TGFBR3: variants seen among roughly 807,000 people sequenced by gnomAD.
The protein encoded by TGFBR3 is transforming growth factor beta receptor 3, also known as transforming growth factor beta receptor type 3.
In TGFBR3, 46 loss-of-function variants were observed where a neutral mutation model predicts 87.9. That is an observed-to-expected ratio of 0.52 (90% CI 0.41 to 0.67). TGFBR3 has a LOEUF of 0.67. TGFBR3 is among the 30% of genes least tolerant of loss of function. The probability of loss-of-function intolerance (pLI) is 0.00; values close to 1 mark genes in which losing one functional copy is unlikely to be tolerated. For synonymous variants in TGFBR3, 381 were observed against 391.6 expected, an observed-to-expected ratio of 0.97 and a Z score of 0.32; for missense variants, 866 against 1,041.9, an observed-to-expected ratio of 0.83 and a Z score of 2.32.
intron 3 of TGFBR3, among the ~76,000 whole-genome samples, chr1:91,774,743 C>T (rs1034791017): frequency 1.3e-5 from 2 of 152,122 alleles, no homozygotes; most frequent in Admixed American, 1.3e-4. Flanking sequence ...TAAATATGCA[C>T]TGTTGAGTAC....
At chr1:91,730,642 T>C (rs961070241) in intron 5 of TGFBR3, among the ~76,000 whole-genome samples, 12 of 152,240 alleles carry the variant, frequency 7.9e-5, no homozygotes, top group African/African-American at 2.9e-4. Context: ...CACTCCTCCT[T>C]GGATATTTGT....
At chr1:91,840,607 T>C (rs895212186) in intron 2 of TGFBR3, among the ~76,000 whole-genome samples, 1 of 152,130 alleles carries the variant, frequency 6.6e-6, no homozygotes, top group African/African-American at 2.4e-5. Flanking sequence ...AAATAAGACA[T>C]ATTTCATTAT....
chr1:91,748,681 G>C (rs1229447746), intron 4 of TGFBR3, among the ~76,000 whole-genome samples: 1 of 152,024 alleles, frequency 6.6e-6, no homozygotes, highest in Non-Finnish European at 1.5e-5. Context: ...AGTCAGCAGT[G>C]TGACTGTTCC....
intron 3 of TGFBR3, among the ~76,000 whole-genome samples, chr1:91,778,245 T>C (rs977254782): frequency 2.0e-5 from 3 of 152,070 alleles, no homozygotes; most frequent in African/African-American, 7.2e-5. Context: ...ATTCACTGAA[T>C]GCTGAGGGTT....
At chr1:91,805,914 G>A (rs1287382044) in intron 2 of TGFBR3, among the ~76,000 whole-genome samples, 1 of 152,208 alleles carries the variant, frequency 6.6e-6, no homozygotes, top group Admixed American at 6.5e-5. Context: ...GGGTCTCTGA[G>A]ACTCCAGCTC....
intron 15 of TGFBR3, 21 bp from the exon 16 acceptor site, chr1:91,695,800 T>C (rs201940087): frequency 1.1e-5 from 18 of 1,602,404 alleles, no homozygotes; most frequent in Non-Finnish European, 1.1e-5. Flanking sequence ...GAGAAACCGA[T>C]ACACACAACT....
At chr1:91,735,185 G>C (rs1168728347) in intron 4 of TGFBR3, among the ~76,000 whole-genome samples, 1 of 152,220 alleles carries the variant, frequency 6.6e-6, no homozygotes, top group East Asian at 1.9e-4. Flanking sequence ...AACTCTGAAA[G>C]AACCTTGTGA....
chr1:91,680,775 G>A lies in TGFBR3; in HGVS notation c.*2964C>T, dbSNP rs1257253070. 2.0e-5 allele frequency: 9 copies of A among 453,962 alleles called. No homozygotes were observed. The highest frequency in any genetic ancestry group is 4.0e-5 in the Non-Finnish European group (9 of 226,778). The allele number at this position is 453,962 out of a possible 1,614,324, so 28.1% of individuals were successfully genotyped here. ...AGTACAAAAAGACTGGCACGCGTGT[G>A]AGCACCCCACACACACTCACAATCA... On this transcript the variant is annotated 3_prime_UTR_variant, in exon 17 of 17. Coordinates refer to ENST00000212355, the MANE Select transcript of TGFBR3 (RefSeq NM_003243.5).
At chr1:91,702,701 A>G (rs1168993668) in intron 14 of TGFBR3, among the ~76,000 whole-genome samples, 1 of 152,094 alleles carries the variant, frequency 6.6e-6, no homozygotes, top group Non-Finnish European at 1.5e-5. Context: ...GTTGAGACTT[A>G]TTCTATTTTT....
rs376434814 is a variant in TGFBR3, at chr1:91,680,768, C to T, written c.*2971G>A. ...TAGTTACAGTACAAAAAGACTGGCA[C>T]GCGTGTGAGCACCCCACACACACTC... On this transcript the variant is annotated 3_prime_UTR_variant, in exon 17 of 17. Coordinates refer to ENST00000212355, the MANE Select transcript of TGFBR3 (RefSeq NM_003243.5). 124 of 453,996 alleles carry T rather than the reference C, an allele frequency of 2.7e-4. No homozygotes were observed. Among genetic ancestry groups the T allele is most frequent in the East Asian group, 7.6e-4 (11 of 14,396 alleles). 28.1% of individuals were successfully genotyped at this position (453,996 alleles called of 1,614,324 possible).
In TGFBR3 at chr1:91,727,549, A is replaced by G; in HGVS notation, c.885+110T>C. The stretch of plus-strand genomic sequence containing the variant: ...TTGCAAAGTGAAAAATAATTGACAG[A>G]GCTTAGAGAGTCCAAAGAGGCAGGA... On this transcript the variant is annotated intron_variant, in intron 7 of 16. Coordinates refer to ENST00000212355, the MANE Select transcript of TGFBR3 (RefSeq NM_003243.5). 9 of 1,384,418 alleles carry G rather than the reference A, an allele frequency of 6.5e-6. No individual in the cohort carries two copies. The South Asian group carries it at 8.5e-5, about 13-fold the overall frequency. The allele number at this position is 1,384,418 out of a possible 1,614,324, so 85.8% of individuals were successfully genotyped here. A position where few individuals can be genotyped will look rare whatever the true frequency, so the allele number is the denominator to read the frequency against.
At chr1:91,756,775 G>C (rs1278789529) in intron 4 of TGFBR3, among the ~76,000 whole-genome samples, 1 of 152,072 alleles carries the variant, frequency 6.6e-6, no homozygotes, top group Non-Finnish European at 1.5e-5. Context: ...CAGCAAAGTT[G>C]CTAGTACAAA....
At position 91,867,339 on chromosome 1, in the gene TGFBR3, A is replaced by T. The variant is rs193278375; in HGVS notation, c.-113-5695T>A. ...GAGGAGAGCAGAGAAGCCTGACTCC[A>T]CTCTGCCTGTTCTGTGCCGGCTGCC... On this transcript the variant is annotated intron_variant, in intron 1 of 16. Transcript: ENST00000212355. 1.9e-3 allele frequency among the ~76,000 whole-genome samples: 293 copies of T among 152,182 alleles called. 1 individual carries two copies. The highest frequency in any genetic ancestry group is 5.4e-3 in the Admixed American group (83 of 15,288).
At chr1:91,721,084 C>T (rs945806291) in intron 8 of TGFBR3, among the ~76,000 whole-genome samples, 1 of 152,114 alleles carries the variant, frequency 6.6e-6, no homozygotes, top group African/African-American at 2.4e-5. Flanking sequence ...AACTGATGTA[C>T]ACTTGAGGTC....
At chr1:91,747,370 G>A (rs1673384192) in intron 4 of TGFBR3, among the ~76,000 whole-genome samples, 1 of 152,156 alleles carries the variant, frequency 6.6e-6, no homozygotes, top group Non-Finnish European at 1.5e-5. Flanking sequence ...GCAAAGCAGG[G>A]GGCTCCCACC....
intron 1 of TGFBR3, among the ~76,000 whole-genome samples, chr1:91,878,005 G>T (rs986227741): frequency 6.6e-6 from 1 of 152,200 alleles, no homozygotes; most frequent in African/African-American, 2.4e-5. Context: ...ACCTTACGCT[G>T]CAATGATGCA....
chr1:91,687,875 T>C (rs181738250), intron 16 of TGFBR3, among the ~76,000 whole-genome samples: 1 of 152,344 alleles, frequency 6.6e-6, no homozygotes, highest in African/African-American at 2.4e-5. Flanking sequence ...TAATATTCCT[T>C]GATGCTAGAA....
At chr1:91,749,873 T>C (rs1673476072) in intron 4 of TGFBR3, among the ~76,000 whole-genome samples, 1 of 152,168 alleles carries the variant, frequency 6.6e-6, no homozygotes, top group South Asian at 2.1e-4. Context: ...CGAACAGCTC[T>C]CTGGAGGCTG....
Position 91,683,374 on chromosome 1 carries a change from G to T in TGFBR3, c.*365C>A, listed in dbSNP as rs966727059. 1.6e-5 allele frequency: 8 copies of T among 500,230 alleles called. No homozygotes were observed. The highest frequency in any genetic ancestry group is 3.1e-5 in the Non-Finnish European group (8 of 257,638). The allele number at this position is 500,230 out of a possible 1,614,324, so 31.0% of individuals were successfully genotyped here. ...AACCCTTTACCAACTCCTTGAGTCT[G>T]GGTAAAACTCAGGGCCCCAAATTAT... On this transcript the variant is annotated 3_prime_UTR_variant, in exon 17 of 17. Coordinates refer to ENST00000212355, the MANE Select transcript of TGFBR3 (RefSeq NM_003243.5).
Sources: allele counts gnomAD v4.1 joint callset (sites outside exome capture counted in the v4.1 genomes callset), GRCh38; gene constraint gnomAD v4.1.1; transcripts MANE v1.5; gene names NCBI Gene and HGNC (gene_info 2026-07-23, HGNC 2026-07-21).